Variants in UNC50 observed in about 807,000 individuals in gnomAD.
UNC50 encodes the protein protein unc-50 homolog.
UNC50 carries 24 observed loss-of-function variants against 31.5 expected under a neutral mutation model. The ratio of observed to expected loss-of-function variants is 0.76; its 90% CI spans 0.55 to 1.07. The LOEUF (loss-of-function observed/expected upper bound fraction) is 1.07. Ranked by LOEUF, UNC50 falls within the 50% of genes least tolerant of loss-of-function variation. UNC50 has a pLI of 0.00. For synonymous variants in UNC50, 118 were observed against 114.7 expected (o/e 1.03, Z -0.18); for missense variants, 245 against 304.2 (o/e 0.81, Z 1.45).
At chr2:98,611,895 T>G (rs975941598) in intron 3 of UNC50, among the ~76,000 whole-genome samples, 1 of 152,140 alleles carries the variant, frequency 6.6e-6, no homozygotes, top group African/African-American at 2.4e-5. Flanking sequence ...AGAAGGATTT[T>G]TTTTTTAAAC....
Position 98,618,365 on chromosome 2 carries a change from G to A in UNC50, c.*61G>A. On this transcript the variant is annotated 3_prime_UTR_variant, in exon 6 of 6. Transcript: ENST00000357765. ...CAGTATTGTGAAGTGATCATTTCTT[G>A]TAAAACTTGTAAATAAACTATCATC... The A allele has an allele frequency of 1.4e-6, 2 of 1,471,244 alleles. No individual in the cohort carries two copies. Among genetic ancestry groups the A allele is most frequent in the Non-Finnish European group, 1.8e-6 (2 of 1,106,802 alleles). The allele number at this position is 1,471,244 out of a possible 1,614,324, so 91.1% of individuals were successfully genotyped here.
Position 98,616,272 on chromosome 2 carries a change from C to T in UNC50, c.467C>T (p.Ala156Val). The T allele has an allele frequency of 6.2e-7, 1 of 1,614,108 alleles. No individual in the cohort carries two copies. Among genetic ancestry groups the T allele is most frequent in the African/African-American group, 1.3e-5 (1 of 75,042 alleles). The change falls in exon 4 of 6, where the codon GCT (alanine) becomes GTT (valine). Residue 156 changes from alanine (A) to valine (V), a missense_variant. Transcript: ENST00000357765. Reference sequence around the variant, plus strand: ...GACTATGATGTGGAATGGGGCTATGCTTTTGATGTGCATCTCAATGCTTTT... The same window carrying T: ...GACTATGATGTGGAATGGGGCTATGTTTTTGATGTGCATCTCAATGCTTTT... ...SRDYDVEWGY[A>V]FDVHLNAFYP...
intron 5 of UNC50, 66 bp downstream of exon 5, chr2:98,616,599 T>TACAA (rs1357900735): frequency 1.6e-6 from 2 of 1,267,954 alleles, no homozygotes; most frequent in East Asian, 4.6e-5. Context: ...GTAACAGTAG[T>TACAA]ACAAACAGCT....
At chr2:98,611,744 C>T (rs999256999) in intron 3 of UNC50, among the ~76,000 whole-genome samples, 1 of 152,120 alleles carries the variant, frequency 6.6e-6, no homozygotes, top group African/African-American at 2.4e-5. Context: ...CTTAAGTTGT[C>T]TGGATGATAG....
chr2:98,610,686 A>G, intron 2 of UNC50, 89 bp from the exon 3 acceptor site: 1 of 1,507,962 alleles, frequency 6.6e-7, no homozygotes. Context: ...CTCTCCCACT[A>G]GCCTGGGCAT....
chr2:98,617,769 GT>G (rs1700955092), intron 5 of UNC50, among the ~76,000 whole-genome samples: 1 of 152,198 alleles, frequency 6.6e-6, no homozygotes, highest in South Asian at 2.1e-4. Flanking sequence ...GCTAAAAGAT[GT>G]TTTCCTATAA....
At position 98,610,650 on chromosome 2, in the gene UNC50, C is replaced by T. The variant is rs571125611; in HGVS notation, c.281-125C>T. 857 of 1,239,782 alleles carry T rather than the reference C, an allele frequency of 6.9e-4. 8 individuals carry two copies. Among genetic ancestry groups the T allele is most frequent in the Middle Eastern group, 4.4e-3 (22 of 5,028 alleles). 76.8% of individuals were successfully genotyped at this position (1,239,782 alleles called of 1,614,324 possible). On this transcript the variant is annotated intron_variant, in intron 2 of 5. Transcript: ENST00000357765. ...GTGTCCCAAGGTAGTGTTCACACAT[C>T]TTGGGAGTTTTGTTTAAAGACCTGT...
chr2:98,616,692 TTGTTTC>T (rs375010541), intron 5 of UNC50, among the ~76,000 whole-genome samples, 159 bp downstream of exon 5: 72 of 152,272 alleles, frequency 4.7e-4, no homozygotes, highest in African/African-American at 1.7e-3. Context: ...TTACACAGGT[TTGTTTC>T]TGTTTTCAAA....
rs1459056028 is a variant in UNC50, at chr2:98,610,033, C to G, written c.274C>G (p.Leu92Val). 6.8e-6 allele frequency: 11 copies of G among 1,611,864 alleles called. 1 individual carries two copies. Among genetic ancestry groups the G allele is most frequent in the African/African-American group, 1.3e-5 (1 of 74,806 alleles). The change falls in exon 2 of 6, where the codon CTC becomes GTC. Residue 92 changes from leucine (L) to valine (V), a missense_variant. Transcript: ENST00000357765. ...TTTCTTGGTCCTGTTAAGTATCTGG[C>G]TCTGTGGTAAGTGTGTTTATCTGAG... ...PAFLVLLSIW[L>V]CVSTIGFGFV... is the part of the protein sequence containing the mutation.
chr2:98,608,603 G>C lies in UNC50; in HGVS notation c.-128G>C, dbSNP rs968375688. On this transcript the variant is annotated 5_prime_UTR_variant, in exon 1 of 6. Transcript: ENST00000357765. ...CGGCGGAAGTCGGTTCCCGTGACGCGGCGCGCCCCAAGGGCCGGCTCCGTT... is the reference window on the plus strand; with the variant it reads ...CGGCGGAAGTCGGTTCCCGTGACGCCGCGCGCCCCAAGGGCCGGCTCCGTT... 5.0e-6 allele frequency: 3 copies of C among 606,038 alleles called. No homozygotes were observed. The highest frequency in any genetic ancestry group is 4.2e-4 in the Middle Eastern group (1 of 2,362). The allele number at this position is 606,038 out of a possible 1,614,324, so 37.5% of individuals were successfully genotyped here.
rs756205105 is a variant in UNC50 at position 98,609,795 on chromosome 2, G to A, written c.36G>A (p.Gln12=). The change falls in exon 2 of 6, where the codon CAG becomes CAA. Residue 12 remains glutamine (Q), a synonymous_variant. Coordinates refer to ENST00000357765, the MANE Select transcript of UNC50 (RefSeq NM_014044.7). The part of the protein sequence containing the change: ...LPSTSVNSLV[Q]GNGVLNSRDA... Reference sequence around the variant, plus strand: ...GTACTTCAGTGAATTCCTTAGTGCAGGGGAACGGAGTCTTGAATTCCAGGG... The same window carrying A: ...GTACTTCAGTGAATTCCTTAGTGCAAGGGAACGGAGTCTTGAATTCCAGGG... 6.2e-7 allele frequency: 1 copy of A among 1,614,232 alleles called. No individual in the cohort carries two copies. Among genetic ancestry groups the A allele is most frequent in the African/African-American group, 1.3e-5 (1 of 75,058 alleles).
Position 98,610,844 on chromosome 2 carries a change from T to C in UNC50, c.350T>C (p.Val117Ala). ...FFETIKLLLW[V>A]VLIDCVGVGL... ...GAGACAATAAAGCTTCTCCTTTGGG[T>C]TGTACTCATAGATTGTGTAGGCGTT... The change falls in exon 3 of 6, where the codon GTT becomes GCT. Residue 117 changes from valine to alanine, a missense_variant. By Grantham distance (64) the Val-to-Ala change is moderately conservative. Transcript: ENST00000357765. 1 of 1,614,208 alleles carries C rather than the reference T, an allele frequency of 6.2e-7. No individual in the cohort carries two copies. The highest frequency in any genetic ancestry group is 1.1e-5 in the South Asian group (1 of 91,080).
In UNC50 at chr2:98,618,419, T is replaced by G; in HGVS notation, c.*115T>G. 1 of 1,180,890 alleles carries G rather than the reference T, an allele frequency of 8.5e-7. No individual in the cohort carries two copies. The highest frequency in any genetic ancestry group is 3.5e-5 in the Admixed American group (1 of 28,202). The allele number at this position is 1,180,890 out of a possible 1,614,324, so 73.2% of individuals were successfully genotyped here. ...GTAGATATCTTAAAGGTGTAAAGTTTGCAAATTTGAAGAAATATATATTAA... is the reference window on the plus strand; with the variant it reads ...GTAGATATCTTAAAGGTGTAAAGTTGGCAAATTTGAAGAAATATATATTAA... On this transcript the variant is annotated 3_prime_UTR_variant, in exon 6 of 6. Coordinates refer to ENST00000357765, the MANE Select transcript of UNC50 (RefSeq NM_014044.7).
intron 3 of UNC50, among the ~76,000 whole-genome samples, chr2:98,612,757 G>A (rs1700856749): frequency 6.6e-6 from 1 of 152,214 alleles, no homozygotes; most frequent in Non-Finnish European, 1.5e-5. Flanking sequence ...TTCCATTCCA[G>A]ATACTGCAGT....
chr2:98,615,400 C>A (rs576341373), intron 3 of UNC50, among the ~76,000 whole-genome samples: 18 of 152,328 alleles, frequency 1.2e-4, no homozygotes, highest in African/African-American at 4.3e-4. Context: ...CCGCACACTC[C>A]TTCCCACCTC....
Position 98,616,347 on chromosome 2 carries a change from G to GT in UNC50, c.541+2dup, listed in dbSNP as rs1270345275. On this transcript the variant is annotated splice_donor_variant, in intron 4 of 5. Transcript: ENST00000357765. LOFTEE classifies it high-confidence loss of function. ...TTTATCCAGCTTTTTTTCATCAACCGTAAGTAGCAGTTAATTAGAGTATTA... is the reference window on the plus strand; with the variant it reads ...TTTATCCAGCTTTTTTTCATCAACCGTTAAGTAGCAGTTAATTAGAGTATTA... 20 of 1,613,742 alleles carry GT rather than the reference G, an allele frequency of 1.2e-5. No homozygotes were observed. The highest frequency in any genetic ancestry group is 1.6e-5 in the Non-Finnish European group (19 of 1,179,916).
intron 1 of UNC50, chr2:98,609,421 C>T (rs1700779683): frequency 5.3e-6 from 2 of 380,744 alleles, no homozygotes; most frequent in African/African-American, 2.0e-5. Context: ...CACGGAATTT[C>T]GAGTCAGATT....
chr2:98,613,444 T>G (rs7604208), intron 3 of UNC50, among the ~76,000 whole-genome samples: 119,652 of 152,182 alleles, frequency 0.79, 47,880 homozygotes, highest in African/African-American at 0.92. Flanking sequence ...CATTGCTAGG[T>G]AGGCCTCAGG....
chr2:98,611,443 T>A (rs1006131700), intron 3 of UNC50, among the ~76,000 whole-genome samples: 2 of 152,244 alleles, frequency 1.3e-5, no homozygotes, highest in African/African-American at 4.8e-5. Context: ...GGTACAGGAA[T>A]AGTCATTTAT....
Sources: gnomAD v4.1 joint callset for allele counts (sites outside exome capture counted in the v4.1 genomes callset) on GRCh38, gnomAD v4.1.1 for gene constraint, MANE v1.5 for transcripts, NCBI Gene and HGNC (gene_info 2026-07-23, HGNC 2026-07-21) for gene names.